The following GRIK1 variants were observed in gnomAD, a reference collection of about 807,000 sequenced individuals.
GRIK1 encodes the protein glutamate receptor ionotropic, kainate 1.
A neutral mutation model predicts 105.7 loss-of-function variants in GRIK1; 69 were observed. The observed-to-expected ratio is 0.65, with a 90% CI of 0.54 to 0.80. The LOEUF (loss-of-function observed/expected upper bound fraction) is 0.80, where lower values mean the gene tolerates loss of function less well. Ranked by LOEUF, GRIK1 falls within the 30% of genes least tolerant of loss-of-function variation. The pLI is 0.00. For synonymous variants in GRIK1, 438 were observed against 431.3 expected, an observed-to-expected ratio of 1.02 and a Z score of -0.19; for missense variants, 1,109 against 1,167.3, an observed-to-expected ratio of 0.95 and a Z score of 0.73.
intron 16 of GRIK1, among the ~76,000 whole-genome samples, chr21:29,540,803 A>G (rs1374439563): frequency 6.6e-6 from 1 of 152,130 alleles, no homozygotes; most frequent in East Asian, 1.9e-4. Context: ...ACATAATGGC[A>G]TTCAGCTAGC....
chr21:29,666,714 G>A (rs1431826304), intron 4 of GRIK1, among the ~76,000 whole-genome samples: 3 of 152,226 alleles, frequency 2.0e-5, no homozygotes, highest in African/African-American at 7.2e-5. Flanking sequence ...TTAAGGAATT[G>A]TGTAAAGCTA....
chr21:29,724,785 C>T (rs2064412162), intron 1 of GRIK1, among the ~76,000 whole-genome samples: 1 of 152,072 alleles, frequency 6.6e-6, no homozygotes, highest in African/African-American at 2.4e-5. Flanking sequence ...CTACAGGAGC[C>T]CTAAGTGCCG....
intron 15 of GRIK1, among the ~76,000 whole-genome samples, chr21:29,558,919 A>G (rs2090323756): frequency 6.6e-6 from 1 of 152,118 alleles, no homozygotes; most frequent in African/African-American, 2.4e-5. Flanking sequence ...GTTATATTCC[A>G]TGCTGTAGAA....
chr21:29,595,508 A>C lies in GRIK1; in HGVS notation c.1251+1018T>G, dbSNP rs868527783. Among the ~76,000 whole-genome samples the C allele has an allele frequency of 2.8e-4, 42 of 151,998 alleles. No individual in the cohort carries two copies. In the Middle Eastern group the frequency reaches 0.01, roughly 37 times the overall value. Reference sequence around the variant, plus strand: ...TGCTTTGAAAACTTAAAAAGAAAAAATTTTTGAATTCATCACTGAGTACTA... The same window carrying C: ...TGCTTTGAAAACTTAAAAAGAAAAACTTTTTGAATTCATCACTGAGTACTA... On this transcript the variant is annotated intron_variant, in intron 9 of 17. Transcript: ENST00000327783.
At chr21:29,804,342 T>C (rs1481152995) in intron 1 of GRIK1, among the ~76,000 whole-genome samples, 1 of 152,164 alleles carries the variant, frequency 6.6e-6, no homozygotes, top group Non-Finnish European at 1.5e-5. Context: ...TTTCCATACC[T>C]GGCTTGAAAA....
At chr21:29,654,517 G>A (rs1191814577) in intron 5 of GRIK1, among the ~76,000 whole-genome samples, 1 of 151,876 alleles carries the variant, frequency 6.6e-6, no homozygotes, top group Non-Finnish European at 1.5e-5. Context: ...TTTATGAATA[G>A]TTTTTACTTT....
intron 6 of GRIK1, among the ~76,000 whole-genome samples, chr21:29,647,266 G>C (rs2062639863): frequency 6.6e-6 from 1 of 152,214 alleles, no homozygotes; most frequent in Admixed American, 6.5e-5. Flanking sequence ...ACTGTAAGGT[G>C]TTATTGTACA....
At chr21:29,916,206 A>G (rs911472061) in intron 1 of GRIK1, among the ~76,000 whole-genome samples, 2 of 151,976 alleles carry the variant, frequency 1.3e-5, no homozygotes, top group Non-Finnish European at 2.9e-5. Flanking sequence ...AATGTTCAAG[A>G]TTGGAAAAAT....
chr21:29,821,590 T>G (rs1024132875), intron 1 of GRIK1, among the ~76,000 whole-genome samples: 1 of 152,000 alleles, frequency 6.6e-6, no homozygotes, highest in African/African-American at 2.4e-5. Context: ...CACACCATGT[T>G]TTAAGCAGAT....
rs767803224 is a variant in GRIK1 at position 29,935,195 on chromosome 21, T to A, written c.118+4188A>T. On this transcript the variant is annotated intron_variant, in intron 1 of 17. Coordinates refer to ENST00000327783, the MANE Select transcript of GRIK1 (RefSeq NM_001330994.2). ...CAAGTTGACTATGCAACTGATGTAA[T>A]AGATCAGTGGCAGAACATTAACTAA... 1.0e-3 allele frequency among the ~76,000 whole-genome samples: 158 copies of A among 152,284 alleles called. 4 individuals are homozygous for A. The highest frequency in any genetic ancestry group is 0.01 in the Admixed American group (157 of 15,296).
intron 7 of GRIK1, among the ~76,000 whole-genome samples, chr21:29,619,937 G>C (rs978474244): frequency 1.3e-5 from 2 of 152,178 alleles, no homozygotes; most frequent in Non-Finnish European, 2.9e-5. Context: ...GTGAGGATGA[G>C]AGCTAAATAT....
rs114545071 is a variant in GRIK1 at position 29,834,739 on chromosome 21, T to C, written c.118+104644A>G. 7.4e-3 allele frequency among the ~76,000 whole-genome samples: 1,114 copies of C among 151,320 alleles called. 9 individuals are homozygous for C. Among genetic ancestry groups the C allele is most frequent in the African/African-American group, 0.026 (1,065 of 41,384 alleles). ...AACATATATTAATTGCTTAGCACAT[T>C]TCTGGCATTAGTATTAATATTATTA... On this transcript the variant is annotated intron_variant, in intron 1 of 17. Coordinates refer to ENST00000327783, the MANE Select transcript of GRIK1 (RefSeq NM_001330994.2).
chr21:29,926,325 A>G (rs530914876), intron 1 of GRIK1, among the ~76,000 whole-genome samples: 29 of 152,332 alleles, frequency 1.9e-4, no homozygotes, highest in African/African-American at 6.3e-4. Flanking sequence ...AACCACAGTG[A>G]TTAGTCCAGT....
rs534659843 is a variant in GRIK1 at position 29,550,837 on chromosome 21, TATTA to T, written c.2607+4211_2607+4214del. Among the ~76,000 whole-genome samples the T allele has an allele frequency of 6.6e-5, 10 of 152,372 alleles. No individual in the cohort carries two copies. The East Asian group carries it at 1.9e-3, about 29-fold the overall frequency. Reference sequence around the variant, plus strand: ...AACGGATATATATTAACAGGACTTTTATTAATTATTTCATTTTCTATGCCATGAT... The same window carrying T: ...AACGGATATATATTAACAGGACTTTTATTATTTCATTTTCTATGCCATGAT... On this transcript the variant is annotated intron_variant, in intron 16 of 17. Transcript: ENST00000327783.
chr21:29,731,359 G>A (rs988179512), intron 1 of GRIK1, among the ~76,000 whole-genome samples: 2 of 152,176 alleles, frequency 1.3e-5, no homozygotes, highest in African/African-American at 4.8e-5. Context: ...TAGCTCTTGA[G>A]CAGTTTGCTT....
In GRIK1 at chr21:29,537,887, G is replaced by T; in HGVS notation, c.2608-3C>A. 8.7e-6 allele frequency: 10 copies of T among 1,148,668 alleles called. No homozygotes were observed. The highest frequency in any genetic ancestry group is 3.2e-5 in the African/African-American group (2 of 62,226). The allele number at this position is 1,148,668 out of a possible 1,614,324, so 71.2% of individuals were successfully genotyped here. On this transcript the variant is annotated splice_region_variant and splice_polypyrimidine_tract_variant and intron_variant, in intron 16 of 17. Transcript: ENST00000327783. ...CTAATTCTTGATGACTTTCCTTTCT[G>T]ATAAAAAAAAAAGAAAAAAAAACAA... is the stretch of plus-strand genomic sequence containing the variant.
At chr21:29,646,095 AATGTCAGATAGTTT>A (rs1209862303) in intron 6 of GRIK1, among the ~76,000 whole-genome samples, 7 of 152,212 alleles carry the variant, frequency 4.6e-5, no homozygotes, top group African/African-American at 1.7e-4. Context: ...GGTCCTGGGC[AATGTCAGATAGTTT>A]ATGCTAAAAA....
intron 7 of GRIK1, among the ~76,000 whole-genome samples, chr21:29,626,059 C>A (rs1344726963): frequency 6.6e-6 from 1 of 152,092 alleles, no homozygotes; most frequent in Non-Finnish European, 1.5e-5. Context: ...TATCTTAGTC[C>A]ATTTGTATTG....
chr21:29,790,169 C>T (rs2066373497), intron 1 of GRIK1, among the ~76,000 whole-genome samples: 1 of 152,160 alleles, frequency 6.6e-6, no homozygotes, highest in Admixed American at 6.5e-5. Flanking sequence ...CCTGCCTCAG[C>T]CTTCAAAATA....
Sources: allele counts gnomAD v4.1 joint callset (sites outside exome capture counted in the v4.1 genomes callset), GRCh38; gene constraint gnomAD v4.1.1; transcripts MANE v1.5; gene names NCBI Gene and HGNC (gene_info 2026-07-23, HGNC 2026-07-21).